Variants in PPCS observed in about 807,000 individuals in gnomAD.
The protein encoded by PPCS is phosphopantothenate--cysteine ligase.
Under a neutral mutation model 24.6 loss-of-function variants are expected in PPCS, and 17 were observed. That is an observed-to-expected ratio of 0.69 (90% confidence interval 0.47 to 1.04). The LOEUF is 1.04. Ranked by LOEUF, PPCS falls within the 50% of genes least tolerant of loss-of-function variation. The pLI, the probability that PPCS is intolerant of heterozygous loss-of-function variation, is 0.00. For missense variants in PPCS, 360 were observed against 402.8 expected (o/e 0.89, Z 0.91); for synonymous variants, 190 against 168.3 (o/e 1.13, Z -1.00).
At chr1:42,459,541 G>A in intron 2 of PPCS, 62 bp from the exon 3 acceptor site, 1 of 1,339,450 alleles carries the variant, frequency 7.5e-7, no homozygotes, top group Non-Finnish European at 1.0e-6. Context: ...AGTTTCCCAT[G>A]AGATTGACCT....
At chr1:42,465,651 C>T (rs2148430453), downstream of PPCS, among the ~76,000 whole-genome samples, 1 of 152,292 alleles carries the variant, frequency 6.6e-6, no homozygotes, top group Non-Finnish European at 1.5e-5. Context: ...AAGTGTGAGC[C>T]ACGGTACCCG....
chr1:42,473,332 G>A, exon 3 of PPCS: 1 of 1,156,566 alleles, frequency 8.6e-7, no homozygotes, highest in South Asian at 4.4e-5. Flanking sequence ...GAATTTTAAA[G>A]ACACCTGTGA....
upstream of PPCS, chr1:42,456,429 C>A: frequency 1.1e-6 from 1 of 945,432 alleles, no homozygotes; most frequent in Non-Finnish European, 1.5e-6. Flanking sequence ...CCAGACTTGG[C>A]GAGATCGGGA....
At chr1:42,472,927 G>A (rs1393601342) in intron 2 of PPCS, among the ~76,000 whole-genome samples, 1 of 151,978 alleles carries the variant, frequency 6.6e-6, no homozygotes, top group East Asian at 1.9e-4. Flanking sequence ...AAATATCTTG[G>A]ATTTTCCAAG....
chr1:42,465,688 G>A (rs1569658285), downstream of PPCS, among the ~76,000 whole-genome samples: 1 of 152,164 alleles, frequency 6.6e-6, no homozygotes, highest in Non-Finnish European at 1.5e-5. Context: ...TAAACCTGGG[G>A]AGTGGGGTGG....
downstream of PPCS, among the ~76,000 whole-genome samples, chr1:42,462,693 CATTT>C (rs1208452166): frequency 2.1e-4 from 32 of 152,220 alleles, 1 homozygote; most frequent in South Asian, 1.5e-3. Flanking sequence ...AATTTTGTGT[CATTT>C]ATAAGTTTTT....
chr1:42,458,352 T>A (rs1643298974), intron 2 of PPCS, among the ~76,000 whole-genome samples: 1 of 152,138 alleles, frequency 6.6e-6, no homozygotes, highest in South Asian at 2.1e-4. Flanking sequence ...GATTTTAGAT[T>A]TTTGGAACCT....
intron 2 of PPCS, among the ~76,000 whole-genome samples, chr1:42,457,953 C>T (rs1364110090): frequency 7.8e-5 from 9 of 116,002 alleles, no homozygotes; most frequent in Admixed American, 5.2e-4. Flanking sequence ...GATACTCCGT[C>T]GCAAAAAAAA....
chr1:42,463,398 C>T (rs1216313808), downstream of PPCS: 2 of 152,252 alleles, frequency 1.3e-5, no homozygotes, highest in Non-Finnish European at 2.9e-5. Flanking sequence ...CGACTTGGTT[C>T]TTGAGGTTCC....
upstream of PPCS, chr1:42,456,495 A>C (rs962971246): frequency 1.4e-6 from 2 of 1,407,548 alleles, no homozygotes; most frequent in South Asian, 1.5e-5. Context: ...CGGCGCGTAC[A>C]CCAGGTAGGC....
At chr1:42,462,891 G>C (rs1030354627), downstream of PPCS, among the ~76,000 whole-genome samples, 1 of 152,162 alleles carries the variant, frequency 6.6e-6, no homozygotes, top group Non-Finnish European at 1.5e-5. Flanking sequence ...CTAGTGACAC[G>C]ATCTAGGCCT....
chr1:42,463,060 T>G (rs1293001327), downstream of PPCS, among the ~76,000 whole-genome samples: 2 of 152,238 alleles, frequency 1.3e-5, no homozygotes, highest in Non-Finnish European at 2.9e-5. Flanking sequence ...ATTCGCTAAG[T>G]CGCAAACGCT....
In PPCS at chr1:42,457,240, T is replaced by A; in HGVS notation, c.509-7T>A. On this transcript the variant is annotated splice_polypyrimidine_tract_variant and splice_region_variant and intron_variant, in intron 1 of 2. Coordinates refer to ENST00000372561, the MANE Select transcript of PPCS (RefSeq NM_024664.4). ...GATTTGTTAACACCTTGTGTTTCTCTTTGCAGGCCCTTCTGCGATGTTTTA... is the reference window on the plus strand; with the variant it reads ...GATTTGTTAACACCTTGTGTTTCTCATTGCAGGCCCTTCTGCGATGTTTTA... 6.2e-7 allele frequency: 1 copy of A among 1,614,160 alleles called. No homozygotes were observed. Among genetic ancestry groups the A allele is most frequent in the Non-Finnish European group, 8.5e-7 (1 of 1,180,008 alleles).
rs367810757 is a variant in PPCS, at chr1:42,456,794, G to A, written c.229G>A (p.Gly77Ser). 30 of 1,613,074 alleles carry A rather than the reference G, an allele frequency of 1.9e-5. No individual in the cohort carries two copies. The highest frequency in any genetic ancestry group is 5.3e-5 in the African/African-American group (4 of 74,944). ...CTCGGCCGAGGCCTTCCTAGCCGCCGGCTACGGGGTCCTGTTCTTGTATCG... is the reference window on the plus strand; with the variant it reads ...CTCGGCCGAGGCCTTCCTAGCCGCCAGCTACGGGGTCCTGTTCTTGTATCG... ...ATSAEAFLAA[G>S]YGVLFLYRAR... Residue 77 changes from glycine to serine, a missense_variant, in exon 1 of 3, where the codon GGC becomes AGC. Around this residue, in one of 2 missense-constraint regions of PPCS, gnomAD observed 244 missense variants for 234.7 expected, o/e 1.04. Coordinates refer to ENST00000372561, the MANE Select transcript of PPCS (RefSeq NM_024664.4).
At chr1:42,468,704 A>C (rs1212068350) in intron 2 of PPCS, 2 of 152,216 alleles carry the variant, frequency 1.3e-5, no homozygotes, top group Non-Finnish European at 2.9e-5. Flanking sequence ...TTAATCTTTC[A>C]AACAACAGAG....
chr1:42,466,370 C>G (rs1196247472), intron 2 of PPCS, among the ~76,000 whole-genome samples: 2 of 152,176 alleles, frequency 1.3e-5, no homozygotes, highest in Non-Finnish European at 2.9e-5. Flanking sequence ...TTGTCCTCTT[C>G]TCGTTTAAAA....
chr1:42,472,171 T>A (rs113261346), intron 2 of PPCS, among the ~76,000 whole-genome samples: 7 of 152,094 alleles, frequency 4.6e-5, no homozygotes, highest in African/African-American at 1.7e-4. Context: ...GGAGAATCAC[T>A]TGAACCCAGG....
At chr1:42,457,184 A>G in intron 1 of PPCS, 63 bp from the exon 2 acceptor site, 1 of 1,606,924 alleles carries the variant, frequency 6.2e-7, no homozygotes, top group Middle Eastern at 1.7e-4. Flanking sequence ...ACCCGAGTTG[A>G]GAAGGAGCTG....
chr1:42,469,745 T>G (rs1643705865), intron 2 of PPCS, among the ~76,000 whole-genome samples: 1 of 152,082 alleles, frequency 6.6e-6, no homozygotes, highest in African/African-American at 2.4e-5. Context: ...GGTATGTTGA[T>G]GAGGAGAAGC....
Sources: gnomAD v4.1 joint callset for allele counts (sites outside exome capture counted in the v4.1 genomes callset) on GRCh38, gnomAD v4.1.1 for gene constraint, gnomAD v4.1.1 regional missense constraint, MANE v1.5 for transcripts, NCBI Gene and HGNC (gene_info 2026-07-23, HGNC 2026-07-21) for gene names.